Variants in TASP1 observed in about 807,000 individuals in gnomAD.
The protein encoded by TASP1 is taspase 1, also known as threonine aspartase 1.
A neutral mutation model predicts 56.6 loss-of-function variants in TASP1; 16 were observed. The ratio of observed to expected loss-of-function variants is 0.28; its 90% confidence interval spans 0.19 to 0.43. The LOEUF is 0.43. Among genes scored for constraint, TASP1 ranks in the 20% least tolerant of loss-of-function variants. The pLI, the probability that TASP1 is intolerant of heterozygous loss-of-function variation, is 1.00. For missense variants in TASP1, 393 were observed against 511.6 expected, an observed-to-expected ratio of 0.77 and a Z score of 2.24; for synonymous variants, 179 against 184.2, an observed-to-expected ratio of 0.97 and a Z score of 0.23.
chr20:13,365,455 G>T, the TASP1 span, among the ~76,000 whole-genome samples: 1 of 152,210 alleles, frequency 6.6e-6, no homozygotes, highest in African/African-American at 2.4e-5. Context: ...GAGAGTAACT[G>T]GAATGTACAC....
chr20:13,363,101 C>T, the TASP1 span, among the ~76,000 whole-genome samples: 1 of 151,918 alleles, frequency 6.6e-6, no homozygotes, highest in Non-Finnish European at 1.5e-5. Flanking sequence ...GCACAGAGCT[C>T]CCAAATCTCT....
chr20:13,393,295 C>T, intron 13 of TASP1: 1 of 752,808 alleles, frequency 1.3e-6, no homozygotes, highest in South Asian at 1.4e-5. Flanking sequence ...AACATCATCC[C>T]TGCATCTACT....
At chr20:13,289,823 A>G in the TASP1 span, among the ~76,000 whole-genome samples, 1 of 152,212 alleles carries the variant, frequency 6.6e-6, no homozygotes, top group Non-Finnish European at 1.5e-5. Flanking sequence ...CAGGTAGAAT[A>G]CCAGCCTAAA....
chr20:13,221,134 T>A, the TASP1 span, among the ~76,000 whole-genome samples: 3 of 151,058 alleles, frequency 2.0e-5, no homozygotes, highest in African/African-American at 7.3e-5. Context: ...GTAGTGGAGG[T>A]GGCTTGCCGG....
At chr20:13,425,186 G>A (rs929886688) in intron 12 of TASP1, among the ~76,000 whole-genome samples, 16 of 152,098 alleles carry the variant, frequency 1.1e-4, no homozygotes, top group Non-Finnish European at 2.4e-4. Flanking sequence ...GCTATATAAA[G>A]CAGCCCTTAA....
chr20:13,247,952 G>C, the TASP1 span, among the ~76,000 whole-genome samples: 1 of 152,148 alleles, frequency 6.6e-6, no homozygotes, highest in Non-Finnish European at 1.5e-5. Context: ...TTGCCTTTGT[G>C]GGTCTGATAC....
the TASP1 span, among the ~76,000 whole-genome samples, chr20:13,291,734 A>T: frequency 6.6e-6 from 1 of 152,206 alleles, no homozygotes; most frequent in Non-Finnish European, 1.5e-5. Flanking sequence ...GTGTCCTAGA[A>T]TATGAGATAA....
In TASP1 at chr20:13,531,353, G is replaced by A. The variant is rs2045209925; in HGVS notation, c.795+2669C>T. On this transcript the variant is annotated intron_variant, in intron 9 of 13. Coordinates refer to ENST00000337743, the MANE Select transcript of TASP1 (RefSeq NM_017714.3). ...CCAGTAAACTCAACCGCCTATTTGT[G>A]TGGGGGTGGGGTGAGGTTTAGGAGG... 2.0e-5 allele frequency among the ~76,000 whole-genome samples: 3 copies of A among 151,992 alleles called. No homozygotes were observed. In the South Asian group the frequency reaches 6.2e-4, roughly 31 times the overall value.
rs1044193750 is a variant in TASP1, at chr20:13,443,265, T to C, written c.986-8111A>G. On this transcript the variant is annotated intron_variant, in intron 11 of 13. Coordinates refer to ENST00000337743, the MANE Select transcript of TASP1 (RefSeq NM_017714.3). ...CTAGCTAAAAATGTTGAAGTGTCTA[T>C]ATAAAAGGAAACATTATTTATTCCT... Among the ~76,000 whole-genome samples, 5 of 152,160 alleles carry C rather than the reference T, an allele frequency of 3.3e-5. No homozygotes were observed. In the East Asian group the frequency reaches 9.6e-4, roughly 29 times the overall value.
the TASP1 span, among the ~76,000 whole-genome samples, chr20:13,364,869 T>G: frequency 6.6e-6 from 1 of 152,222 alleles, no homozygotes; most frequent in African/African-American, 2.4e-5. Flanking sequence ...GCACTAGAAC[T>G]TTCTCCTGTT....
Position 13,415,066 on chromosome 20 carries a change from T to C in TASP1, c.1170+2382A>G, listed in dbSNP as rs558201834. Among the ~76,000 whole-genome samples the C allele has an allele frequency of 3.3e-5, 5 of 152,276 alleles. No individual in the cohort carries two copies. The South Asian group carries it at 6.2e-4, about 19-fold the overall frequency. On this transcript the variant is annotated intron_variant, in intron 13 of 13. Coordinates refer to ENST00000337743, the MANE Select transcript of TASP1 (RefSeq NM_017714.3). ...CAATTTTTGAAAACAAGGGCACAAG[T>C]GTTTTAACTTTTAAAAATAGTTTTT...
intron 13 of TASP1, among the ~76,000 whole-genome samples, chr20:13,396,313 C>G (rs2041535306): frequency 6.6e-6 from 1 of 152,172 alleles, no homozygotes; most frequent in Admixed American, 6.5e-5. Context: ...GTTAACTGCT[C>G]TAAAAATAGA....
At chr20:13,522,477 G>A (rs550506621) in intron 10 of TASP1, among the ~76,000 whole-genome samples, 16 of 152,258 alleles carry the variant, frequency 1.1e-4, no homozygotes, top group African/African-American at 3.9e-4. Context: ...TTGGATGTGC[G>A]TGAGATAGAA....
rs6079087 is a variant in TASP1, at chr20:13,498,331, T to G, written c.875-14994A>C. Among the ~76,000 whole-genome samples, 106 of 135,112 alleles carry G rather than the reference T, an allele frequency of 7.8e-4. 1 individual carries two copies. Among genetic ancestry groups the G allele is most frequent in the East Asian group, 1.3e-3 (6 of 4,520 alleles). 88.6% of individuals were successfully genotyped at this position (135,112 alleles called of 152,430 possible). A position where few individuals can be genotyped will look rare whatever the true frequency, so the allele number is the denominator to read the frequency against. On this transcript the variant is annotated intron_variant, in intron 10 of 13. Transcript: ENST00000337743. ...ATGAACAAACACTTTTTCTTTTCTT[T>G]TGTGTGTGTGTGTGTGTGTGTGTGT...
the TASP1 span, among the ~76,000 whole-genome samples, chr20:13,382,208 C>T: frequency 6.6e-6 from 1 of 152,122 alleles, no homozygotes; most frequent in African/African-American, 2.4e-5. Context: ...CTGTTTTTAG[C>T]CAGTTTCAGT....
At chr20:13,498,819 T>C (rs1223681387) in intron 10 of TASP1, among the ~76,000 whole-genome samples, 1 of 146,276 alleles carries the variant, frequency 6.8e-6, no homozygotes, top group Non-Finnish European at 1.5e-5. Flanking sequence ...AAAAAGGTGT[T>C]GGCAAAGCTG....
At chr20:13,295,327 T>G in the TASP1 span, among the ~76,000 whole-genome samples, 1 of 152,186 alleles carries the variant, frequency 6.6e-6, no homozygotes, top group East Asian at 1.9e-4. Flanking sequence ...TCACAAACTT[T>G]CCATGGCTCC....
At chr20:13,400,791 A>G (rs1250033426) in intron 13 of TASP1, among the ~76,000 whole-genome samples, 1 of 152,248 alleles carries the variant, frequency 6.6e-6, no homozygotes, top group Non-Finnish European at 1.5e-5. Flanking sequence ...TTAAGTTTTC[A>G]CAAATTTTCA....
At chr20:13,183,958 G>A in the TASP1 span, among the ~76,000 whole-genome samples, 1 of 151,474 alleles carries the variant, frequency 6.6e-6, no homozygotes, top group South Asian at 2.1e-4. Flanking sequence ...GAACCCAGGA[G>A]GCAGAGCTTG....
Sources: allele counts gnomAD v4.1 joint callset (sites outside exome capture counted in the v4.1 genomes callset), GRCh38; gene constraint gnomAD v4.1.1; transcripts MANE v1.5; gene names NCBI Gene and HGNC (gene_info 2026-07-23, HGNC 2026-07-21).